Variants in GABRG3 observed in about 807,000 individuals in gnomAD.
The protein encoded by GABRG3 is gamma-aminobutyric acid type A receptor subunit gamma3, also known as gamma-aminobutyric acid receptor subunit gamma-3.
A neutral mutation model predicts 48.8 loss-of-function variants in GABRG3; 25 were observed. That is an observed-to-expected ratio of 0.51 (90% CI 0.37 to 0.72). The LOEUF is 0.72. Among genes scored for constraint, GABRG3 ranks in the 30% least tolerant of loss-of-function variants. The pLI is 0.00. For missense variants in GABRG3, 394 were observed against 577.9 expected (o/e 0.68, Z 3.26); for synonymous variants, 227 against 217.6 (o/e 1.04, Z -0.38).
intron 5 of GABRG3, among the ~76,000 whole-genome samples, chr15:27,380,980 C>T (rs558333607): frequency 1.5e-4 from 23 of 151,948 alleles, no homozygotes; most frequent in Admixed American, 3.3e-4. Context: ...TTAGCCAGGA[C>T]GGTCTCAATC....
At chr15:27,167,948 C>T (rs1274150077) in intron 3 of GABRG3, among the ~76,000 whole-genome samples, 1 of 152,152 alleles carries the variant, frequency 6.6e-6, no homozygotes, top group Non-Finnish European at 1.5e-5. Context: ...GAAGAGGCTC[C>T]CTCGCAGTCA....
chr15:27,174,936 C>T (rs1887698777), intron 3 of GABRG3, among the ~76,000 whole-genome samples: 1 of 152,058 alleles, frequency 6.6e-6, no homozygotes, highest in Non-Finnish European at 1.5e-5. Flanking sequence ...GGCACATGGA[C>T]ACGTGGGCAT....
intron 3 of GABRG3, among the ~76,000 whole-genome samples, chr15:27,216,469 C>G (rs1160850543): frequency 6.6e-6 from 1 of 152,194 alleles, no homozygotes; most frequent in African/African-American, 2.4e-5. Flanking sequence ...CAAGGCAGGA[C>G]CGTTGCCCTG....
At chr15:27,336,130 A>G (rs769196342) in intron 5 of GABRG3, among the ~76,000 whole-genome samples, 26 of 151,850 alleles carry the variant, frequency 1.7e-4, no homozygotes, top group Admixed American at 5.9e-4. Context: ...CAGAGGTTGC[A>G]GTGAGCCAAG....
At chr15:27,067,443 C>T (rs1274868180) in intron 3 of GABRG3, among the ~76,000 whole-genome samples, 1 of 152,208 alleles carries the variant, frequency 6.6e-6, no homozygotes, top group East Asian at 1.9e-4. Flanking sequence ...TTCCGGAGAA[C>T]ATGGAATCAC....
At chr15:27,365,294 C>T (rs1338436190) in intron 5 of GABRG3, 1 of 86,048 alleles carries the variant, frequency 1.2e-5, no homozygotes. Context: ...CTAAGACACA[C>T]ACAGACACAG....
chr15:27,422,805 AG>A (rs1324778423), intron 5 of GABRG3, among the ~76,000 whole-genome samples: 3 of 152,232 alleles, frequency 2.0e-5, no homozygotes, highest in Non-Finnish European at 4.4e-5. Flanking sequence ...GACCACCCCC[AG>A]GTGTGCTGAT....
At chr15:26,977,752 T>C (rs1894979171) in intron 2 of GABRG3, among the ~76,000 whole-genome samples, 1 of 152,226 alleles carries the variant, frequency 6.6e-6, no homozygotes, top group Non-Finnish European at 1.5e-5. Flanking sequence ...TGTTTCCTGT[T>C]TTTGTCTATT....
rs779933664 is a variant in GABRG3 at position 27,532,814 on chromosome 15, G to A, written c.1337G>A (p.Arg446Gln). ...ATCTTGGAGCTGGACTCGTACTCCCGGGTCTTTTTCCCCACGTCCTTCCTG... is the reference window on the plus strand; with the variant it reads ...ATCTTGGAGCTGGACTCGTACTCCCAGGTCTTTTTCCCCACGTCCTTCCTG... ...IDILELDSYSRVFFPTSFLLF... is the reference protein window; with the variant it reads ...IDILELDSYSQVFFPTSFLLF... The change falls in exon 10 of 10, where the codon CGG (arginine) becomes CAG (glutamine). Residue 446 changes from arginine (R) to glutamine (Q), a missense_variant. Transcript: ENST00000615808. 2 of 1,613,978 alleles carry A rather than the reference G, an allele frequency of 1.2e-6. No individual in the cohort carries two copies. Among genetic ancestry groups the A allele is most frequent in the Non-Finnish European group, 1.7e-6 (2 of 1,179,882 alleles).
chr15:27,159,859 T>C (rs1898533781), intron 3 of GABRG3, among the ~76,000 whole-genome samples: 2 of 152,152 alleles, frequency 1.3e-5, no homozygotes, highest in Admixed American at 1.3e-4. Context: ...GGCGATTAAG[T>C]CCCTTTAAAA....
intron 3 of GABRG3, among the ~76,000 whole-genome samples, chr15:27,277,223 A>G (rs1162723980): frequency 6.6e-6 from 1 of 152,232 alleles, no homozygotes; most frequent in African/African-American, 2.4e-5. Flanking sequence ...AAATCCAGAA[A>G]GGCAGTTCTT....
intron 5 of GABRG3, among the ~76,000 whole-genome samples, chr15:27,475,892 G>T (rs1322037041): frequency 6.6e-6 from 1 of 152,024 alleles, no homozygotes; most frequent in African/African-American, 2.4e-5. Flanking sequence ...TAATAGTGAT[G>T]TGGTGGTGGT....
intron 2 of GABRG3, among the ~76,000 whole-genome samples, chr15:26,986,506 C>T (rs772674978): frequency 9.2e-5 from 14 of 152,128 alleles, no homozygotes; most frequent in South Asian, 2.1e-4. Context: ...GCTGACCCTT[C>T]GCACACACAC....
chr15:27,261,247 G>T (rs1397570006), intron 3 of GABRG3, among the ~76,000 whole-genome samples: 2 of 152,082 alleles, frequency 1.3e-5, no homozygotes, highest in African/African-American at 2.4e-5. Context: ...AGTTACAAAG[G>T]TAACCAATAT....
chr15:27,020,252 C>T (rs1566910915), intron 2 of GABRG3, among the ~76,000 whole-genome samples: 1 of 152,192 alleles, frequency 6.6e-6, no homozygotes, highest in Non-Finnish European at 1.5e-5. Flanking sequence ...TCCTCAGGGT[C>T]TGCATGCCTC....
In GABRG3 at chr15:27,231,008, AATGT is replaced by A. The variant is rs1341800123; in HGVS notation, c.271-95800_271-95797del. On this transcript the variant is annotated intron_variant, in intron 3 of 9. Coordinates refer to ENST00000615808, the MANE Select transcript of GABRG3 (RefSeq NM_033223.5). The stretch of plus-strand genomic sequence containing the variant: ...GGTTGAGCCAAGTTTAAAACAGTAA[AATGT>A]GTGTGTGTGTGTGTGTGTGTGTGTG... Among the ~76,000 whole-genome samples the A allele has an allele frequency of 2.4e-4, 29 of 120,584 alleles. 1 individual carries two copies. In the South Asian group the frequency reaches 7.7e-3, roughly 32 times the overall value. 79.1% of individuals were successfully genotyped at this position (120,584 alleles called of 152,430 possible).
chr15:26,999,738 C>T (rs1012362216), intron 2 of GABRG3, among the ~76,000 whole-genome samples: 2 of 151,934 alleles, frequency 1.3e-5, no homozygotes, highest in South Asian at 4.2e-4. Context: ...CTTTAAAGGC[C>T]CCAATTGCAC....
At chr15:27,281,139 T>G (rs756252542) in intron 3 of GABRG3, among the ~76,000 whole-genome samples, 68 of 152,292 alleles carry the variant, frequency 4.5e-4, no homozygotes, top group Middle Eastern at 3.4e-3. Flanking sequence ...TTCTGTTGAT[T>G]AATGCTTGCA....
intron 3 of GABRG3, among the ~76,000 whole-genome samples, chr15:27,325,211 C>A (rs907052262): frequency 6.6e-6 from 1 of 152,216 alleles, no homozygotes; most frequent in Admixed American, 6.5e-5. Context: ...CACACACTTA[C>A]ACACACACCT....
Sources: allele counts gnomAD v4.1 joint callset (sites outside exome capture counted in the v4.1 genomes callset), GRCh38; gene constraint gnomAD v4.1.1; transcripts MANE v1.5; gene names NCBI Gene and HGNC (gene_info 2026-07-23, HGNC 2026-07-21).